SYT9: variants seen among roughly 807,000 people sequenced by gnomAD.
SYT9 encodes synaptotagmin-9.
SYT9 carries 22 observed loss-of-function variants against 48.4 expected under a neutral mutation model. That is an observed-to-expected ratio of 0.45 (90% CI 0.32 to 0.65). The LOEUF (loss-of-function observed/expected upper bound fraction) is 0.65, where lower values mean the gene tolerates loss of function less well. Among genes scored for constraint, SYT9 ranks in the 30% least tolerant of loss-of-function variants. The probability of loss-of-function intolerance (pLI) is 0.03; values close to 1 mark genes in which losing one functional copy is unlikely to be tolerated. For missense variants in SYT9, 577 were observed against 622.0 expected (o/e 0.93, Z 0.77); for synonymous variants, 265 against 245.0 (o/e 1.08, Z -0.76).
At chr11:7,245,425 T>C (rs914732151) in intron 1 of SYT9, among the ~76,000 whole-genome samples, 2 of 152,142 alleles carry the variant, frequency 1.3e-5, no homozygotes, top group South Asian at 4.1e-4. Context: ...TTTCTCTCTT[T>C]TTTTTTTGTT....
At chr11:7,388,325 A>G (rs959564795) in intron 3 of SYT9, among the ~76,000 whole-genome samples, 5 of 152,058 alleles carry the variant, frequency 3.3e-5, no homozygotes, top group African/African-American at 1.2e-4. Context: ...TGCCTTTAGG[A>G]TGTGAAGTGG....
chr11:7,377,406 C>A (rs1240597970), intron 3 of SYT9, among the ~76,000 whole-genome samples: 1 of 151,996 alleles, frequency 6.6e-6, no homozygotes, highest in Admixed American at 6.6e-5. Flanking sequence ...CTTTTGTTTC[C>A]CTCAAGAGTT....
chr11:7,313,605 G>C lies in SYT9; in HGVS notation c.708G>C (p.Gln236His). The change falls in exon 3 of 7, where the codon CAG becomes CAC. Residue 236 changes from glutamine to histidine, a missense_variant. By Grantham distance (24) the Gln-to-His change is conservative. Transcript: ENST00000318881. ...FILKYDCDLE[Q>H]LIVKIHKAVN... The stretch of plus-strand genomic sequence containing the variant: ...TAAAATATGACTGTGACTTAGAGCA[G>C]CTCATAGTGAAGATTCACAAAGCTG... The C allele has an allele frequency of 6.2e-7, 1 of 1,614,166 alleles. No homozygotes were observed. The highest frequency in any genetic ancestry group is 1.1e-5 in the South Asian group (1 of 91,072).
intron 1 of SYT9, among the ~76,000 whole-genome samples, chr11:7,253,306 G>C (rs970442182): frequency 6.6e-6 from 1 of 152,208 alleles, no homozygotes; most frequent in Non-Finnish European, 1.5e-5. Context: ...TGTTAAAAAT[G>C]GGATGAGAAA....
intron 3 of SYT9, among the ~76,000 whole-genome samples, chr11:7,341,855 A>C (rs1297084003): frequency 6.6e-6 from 1 of 152,160 alleles, no homozygotes; most frequent in African/African-American, 2.4e-5. Context: ...AAGACTGGGT[A>C]ATTTATAAAG....
At chr11:7,246,118 G>C (rs999305960) in intron 1 of SYT9, among the ~76,000 whole-genome samples, 1 of 151,660 alleles carries the variant, frequency 6.6e-6, no homozygotes, top group Non-Finnish European at 1.5e-5. Context: ...CTTCTACTTG[G>C]TAGGTCTAAA....
chr11:7,343,694 T>C (rs1849751295), intron 3 of SYT9, among the ~76,000 whole-genome samples: 1 of 152,220 alleles, frequency 6.6e-6, no homozygotes, highest in Non-Finnish European at 1.5e-5. Context: ...TTTTCATGTA[T>C]TATTACAGCA....
In SYT9 at chr11:7,418,148, T is replaced by C. The variant is rs1847286809; in HGVS notation, c.1337+20T>C. 6.2e-7 allele frequency: 1 copy of C among 1,610,316 alleles called. No individual in the cohort carries two copies. The highest frequency in any genetic ancestry group is 8.5e-7 in the Non-Finnish European group (1 of 1,178,430). On this transcript the variant is annotated intron_variant, in intron 5 of 6. Transcript: ENST00000318881. ...TGACCGGTGAGATACCTGGAACTCT[T>C]TTCCAGTGCAAGTTCACTGTGCCCA...
intron 3 of SYT9, among the ~76,000 whole-genome samples, chr11:7,371,548 A>G (rs1413015074): frequency 1.3e-5 from 2 of 152,138 alleles, no homozygotes. Flanking sequence ...TAAAATGCAT[A>G]CATCTTAAGT....
chr11:7,392,945 A>AT lies in SYT9; in HGVS notation c.1045-23091dup, dbSNP rs1846662211. Among the ~76,000 whole-genome samples, 6 of 152,208 alleles carry AT rather than the reference A, an allele frequency of 3.9e-5. No individual in the cohort carries two copies. The South Asian group carries it at 1.0e-3, about 26-fold the overall frequency. On this transcript the variant is annotated intron_variant, in intron 3 of 6. Transcript: ENST00000318881. ...AAATGCTACTAACTTAAATATGTTG[A>AT]TTTTTTATCCTGAAACTTTACTGAA...
At chr11:7,402,493 T>G (rs1194620720) in intron 3 of SYT9, among the ~76,000 whole-genome samples, 1 of 152,182 alleles carries the variant, frequency 6.6e-6, no homozygotes, top group East Asian at 1.9e-4. Flanking sequence ...CAGATTTGTT[T>G]AGTGTATTTT....
chr11:7,374,526 A>C (rs558329651), intron 3 of SYT9, among the ~76,000 whole-genome samples: 14 of 152,328 alleles, frequency 9.2e-5, no homozygotes, highest in African/African-American at 3.4e-4. Context: ...ACTAATTTAC[A>C]TTCCCACCAA....
At chr11:7,272,490 T>C (rs1390372545) in intron 1 of SYT9, among the ~76,000 whole-genome samples, 1 of 152,214 alleles carries the variant, frequency 6.6e-6, no homozygotes, top group Non-Finnish European at 1.5e-5. Context: ...GTGTTTTTTT[T>C]TCCTTCTGCA....
At chr11:7,283,382 C>G (rs1848537322) in intron 1 of SYT9, among the ~76,000 whole-genome samples, 1 of 151,984 alleles carries the variant, frequency 6.6e-6, no homozygotes, top group Non-Finnish European at 1.5e-5. Flanking sequence ...ATTTTCTTCT[C>G]AGATTGCTCC....
At chr11:7,420,328 G>C (rs1216236080) in intron 5 of SYT9, among the ~76,000 whole-genome samples, 178 bp from the exon 6 acceptor site, 4 of 152,162 alleles carry the variant, frequency 2.6e-5, no homozygotes, top group Non-Finnish European at 4.4e-5. Flanking sequence ...GTATACGTTA[G>C]ATCCCAAGTC....
At chr11:7,313,354 A>G in intron 2 of SYT9, 41 bp from the exon 3 acceptor site, 6 of 1,548,418 alleles carry the variant, frequency 3.9e-6, no homozygotes, top group Non-Finnish European at 5.2e-6. Flanking sequence ...ACCCATAGCT[A>G]ATAAGGTTAT....
chr11:7,370,741 T>C (rs1850347198), intron 3 of SYT9, among the ~76,000 whole-genome samples: 1 of 152,150 alleles, frequency 6.6e-6, no homozygotes, highest in Non-Finnish European at 1.5e-5. Flanking sequence ...GGGATAAATA[T>C]GGAGATAATT....
At chr11:7,421,960 A>G (rs1158137049) in intron 6 of SYT9, among the ~76,000 whole-genome samples, 1 of 152,208 alleles carries the variant, frequency 6.6e-6, no homozygotes, top group Non-Finnish European at 1.5e-5. Flanking sequence ...CAATAAGTAA[A>G]GAGAACTGAG....
chr11:7,345,907 G>C (rs1564870647), intron 3 of SYT9, among the ~76,000 whole-genome samples: 1 of 152,210 alleles, frequency 6.6e-6, no homozygotes, highest in Non-Finnish European at 1.5e-5. Context: ...TCTGAGCAGA[G>C]AGAGCCAAAG....
Sources: gnomAD v4.1 joint callset for allele counts (sites outside exome capture counted in the v4.1 genomes callset) on GRCh38, gnomAD v4.1.1 for gene constraint, MANE v1.5 for transcripts, NCBI Gene and HGNC (gene_info 2026-07-23, HGNC 2026-07-21) for gene names.